The following RAB7A variants were observed in gnomAD, a reference collection of about 807,000 sequenced individuals.
The protein encoded by RAB7A is RAB7A, member RAS oncogene family, also known as ras-related protein Rab-7a.
In RAB7A, 2 loss-of-function variants were observed where a neutral mutation model predicts 24.5. That is an observed-to-expected ratio of 0.08 (90% confidence interval 0.03 to 0.26). RAB7A has a LOEUF of 0.26. RAB7A is among the 10% of genes least tolerant of loss of function. The probability of loss-of-function intolerance (pLI) is 1.00; values close to 1 mark genes in which losing one functional copy is unlikely to be tolerated. For synonymous variants in RAB7A, 100 were observed against 95.9 expected (o/e 1.04, Z -0.25); for missense variants, 118 against 255.7 (o/e 0.46, Z 3.67).
At chr3:128,808,852 A>G (rs1462883170) in intron 5 of RAB7A, among the ~76,000 whole-genome samples, 3 of 152,150 alleles carry the variant, frequency 2.0e-5, no homozygotes, top group Non-Finnish European at 4.4e-5. Flanking sequence ...CAGGACAAAG[A>G]GTTGTTTGTA....
intron 1 of RAB7A, among the ~76,000 whole-genome samples, chr3:128,762,522 A>G (rs972448032): frequency 6.6e-6 from 1 of 152,128 alleles, no homozygotes; most frequent in Non-Finnish European, 1.5e-5. Flanking sequence ...AAGTGATTAT[A>G]TGAAGACCTG....
intron 1 of RAB7A, among the ~76,000 whole-genome samples, chr3:128,774,789 G>C (rs990351407): frequency 6.6e-6 from 1 of 152,146 alleles, no homozygotes; most frequent in East Asian, 1.9e-4. Flanking sequence ...AGCCAGGATG[G>C]TCTCGATCTC....
At chr3:128,795,751 C>CTTTATTTTTTTTTTTTTT (rs1933555206) in intron 2 of RAB7A, among the ~76,000 whole-genome samples, 1 of 43,032 alleles carries the variant, frequency 2.3e-5, no homozygotes. Context: ...AGCAGATGTG[C>CTTTATTTTTTTTTTTTTT]TTTTTTTTTT....
chr3:128,770,205 G>A (rs1320918781), intron 1 of RAB7A, among the ~76,000 whole-genome samples: 2 of 151,918 alleles, frequency 1.3e-5, no homozygotes, highest in African/African-American at 2.4e-5. Flanking sequence ...TTTTCACCAC[G>A]TTGGCCAGGC....
At chr3:128,745,404 C>A (rs1038663380) in intron 1 of RAB7A, among the ~76,000 whole-genome samples, 5 of 151,990 alleles carry the variant, frequency 3.3e-5, no homozygotes, top group African/African-American at 1.2e-4. Flanking sequence ...TGCTTTGTTG[C>A]CCAGGCTGGA....
intron 1 of RAB7A, among the ~76,000 whole-genome samples, chr3:128,774,773 C>G (rs538544382): frequency 2.0e-4 from 31 of 152,110 alleles, no homozygotes; most frequent in Non-Finnish European, 3.5e-4. Flanking sequence ...AGGGTTTCAC[C>G]GTGTTAGCCA....
intron 1 of RAB7A, among the ~76,000 whole-genome samples, chr3:128,728,118 G>T (rs1267506051): frequency 6.6e-6 from 1 of 152,202 alleles, no homozygotes; most frequent in Non-Finnish European, 1.5e-5. Flanking sequence ...ATCAGGCATT[G>T]TGGGACATTG....
chr3:128,775,645 T>C (rs1042704073), intron 1 of RAB7A, among the ~76,000 whole-genome samples: 2 of 152,234 alleles, frequency 1.3e-5, no homozygotes, highest in Admixed American at 6.5e-5. Flanking sequence ...TTTACCTAAA[T>C]GAATTTGTTT....
chr3:128,758,274 GTT>G (rs35360318), intron 1 of RAB7A, among the ~76,000 whole-genome samples: 9 of 126,718 alleles, frequency 7.1e-5, no homozygotes, highest in Non-Finnish European at 6.7e-5. Flanking sequence ...TTGTTTTTTT[GTT>G]TTTTTTTTTT....
intron 1 of RAB7A, among the ~76,000 whole-genome samples, chr3:128,729,998 C>T (rs1190828993): frequency 2.6e-5 from 4 of 152,282 alleles, no homozygotes; most frequent in African/African-American, 9.6e-5. Context: ...TGATTCTTAC[C>T]TCTCATGTAA....
intron 5 of RAB7A, among the ~76,000 whole-genome samples, chr3:128,810,398 C>G (rs1369947919): frequency 2.6e-5 from 4 of 152,108 alleles, no homozygotes; most frequent in Non-Finnish European, 4.4e-5. Context: ...GTGGCTGTTG[C>G]ATTAGTCTGC....
intron 1 of RAB7A, among the ~76,000 whole-genome samples, chr3:128,776,982 A>G (rs970409432): frequency 7.1e-6 from 1 of 141,808 alleles, no homozygotes; most frequent in Admixed American, 7.1e-5. Flanking sequence ...ACACACACAC[A>G]CACACCCCTA....
intron 1 of RAB7A, among the ~76,000 whole-genome samples, chr3:128,726,643 AG>A (rs11307728): frequency 0.023 from 3,541 of 152,226 alleles, 61 homozygotes; most frequent in Admixed American, 0.049. Context: ...GAGACCCGAG[AG>A]GGTTCCTTGA....
At chr3:128,795,735 T>C (rs1420719049) in intron 2 of RAB7A, among the ~76,000 whole-genome samples, 4 of 148,206 alleles carry the variant, frequency 2.7e-5, no homozygotes, top group Non-Finnish European at 5.9e-5. Flanking sequence ...CATTGGCATC[T>C]GGCGTAGCAG....
At chr3:128,738,649 T>C (rs1267330740) in intron 1 of RAB7A, among the ~76,000 whole-genome samples, 1 of 152,232 alleles carries the variant, frequency 6.6e-6, no homozygotes, top group East Asian at 1.9e-4. Flanking sequence ...GATTATCTTA[T>C]AGTTGTGGAT....
At chr3:128,785,664 G>A (rs1164588960) in intron 1 of RAB7A, among the ~76,000 whole-genome samples, 1 of 150,176 alleles carries the variant, frequency 6.7e-6, no homozygotes, top group Non-Finnish European at 1.5e-5. Context: ...AGACAGAGTT[G>A]CCTGAACCCT....
chr3:128,770,868 T>C (rs1559788285), intron 1 of RAB7A, among the ~76,000 whole-genome samples: 1 of 152,216 alleles, frequency 6.6e-6, no homozygotes, highest in Non-Finnish European at 1.5e-5. Context: ...ATCGTTATAC[T>C]ACTCTTTTCC....
At chr3:128,794,987 G>A (rs929563369) in intron 1 of RAB7A, among the ~76,000 whole-genome samples, 1 of 152,030 alleles carries the variant, frequency 6.6e-6, no homozygotes, top group African/African-American at 2.4e-5. Context: ...TAAATAAAGC[G>A]GTCACTTCTT....
At chr3:128,790,026 C>T (rs181612084) in intron 1 of RAB7A, among the ~76,000 whole-genome samples, 38 of 152,238 alleles carry the variant, frequency 2.5e-4, no homozygotes, top group Admixed American at 1.1e-3. Flanking sequence ...GTCTCTTGAC[C>T]TCGTGATCCA....
Sources: gnomAD v4.1 joint callset for allele counts (sites outside exome capture counted in the v4.1 genomes callset) on GRCh38, gnomAD v4.1.1 for gene constraint, MANE v1.5 for transcripts, NCBI Gene and HGNC (gene_info 2026-07-23, HGNC 2026-07-21) for gene names.